Variants in LRRC7 observed in about 807,000 individuals in gnomAD.
LRRC7 encodes the protein leucine-rich repeat-containing protein 7.
Under a neutral mutation model 175.7 loss-of-function variants are expected in LRRC7, and 23 were observed. The ratio of observed to expected loss-of-function variants is 0.13; its 90% CI spans 0.09 to 0.19. The LOEUF (loss-of-function observed/expected upper bound fraction) is 0.19. Among genes scored for constraint, LRRC7 ranks in the 10% least tolerant of loss-of-function variants. The pLI, the probability that LRRC7 is intolerant of heterozygous loss-of-function variation, is 1.00. For missense variants in LRRC7, 1,354 were observed against 1,904.7 expected (o/e 0.71, Z 5.38); for synonymous variants, 685 against 680.9 (o/e 1.01, Z -0.09).
chr1:69,695,670 C>T (rs894238490), intron 2 of LRRC7, among the ~76,000 whole-genome samples: 2 of 152,196 alleles, frequency 1.3e-5, no homozygotes, highest in Non-Finnish European at 2.9e-5. Flanking sequence ...TTTCAGGGAC[C>T]AGGCCCAGGC....
chr1:69,572,441 A>G, intron 1 of LRRC7, among the ~76,000 whole-genome samples: 1 of 152,136 alleles, frequency 6.6e-6, no homozygotes, highest in East Asian at 1.9e-4. Flanking sequence ...GTTTTAAAAA[A>G]CTTATTTGTG....
At chr1:69,807,583 T>C (rs1196886565) in intron 4 of LRRC7, among the ~76,000 whole-genome samples, 1 of 152,130 alleles carries the variant, frequency 6.6e-6, no homozygotes, top group Non-Finnish European at 1.5e-5. Flanking sequence ...CATGAAATTC[T>C]GGGTTGAAAA....
chr1:69,639,463 A>G (rs1653874793), intron 1 of LRRC7, among the ~76,000 whole-genome samples: 1 of 151,852 alleles, frequency 6.6e-6, no homozygotes, highest in African/African-American at 2.4e-5. Context: ...GTACTTCTCT[A>G]GCTTTTCTGC....
At chr1:69,887,645 G>C (rs1196460142) in intron 7 of LRRC7, among the ~76,000 whole-genome samples, 1 of 152,138 alleles carries the variant, frequency 6.6e-6, no homozygotes, top group Non-Finnish European at 1.5e-5. Context: ...GTCCAGCTTT[G>C]TTCCGTTGCT....
chr1:70,137,952 C>G lies in LRRC7; in HGVS notation c.*16065C>G, dbSNP rs142213983. On this transcript the variant is annotated 3_prime_UTR_variant, in exon 27 of 27. Coordinates refer to ENST00000651989, the MANE Select transcript of LRRC7 (RefSeq NM_001370785.2). ...AACAAAATCCCAGAGTTTTTGCTTG[C>G]TCTTTGAGGTTAAAATCAAAGATTT... Among the ~76,000 whole-genome samples, 47 of 152,314 alleles carry G rather than the reference C, an allele frequency of 3.1e-4. No homozygotes were observed. Among genetic ancestry groups the G allele is most frequent in the East Asian group, 1.2e-3 (6 of 5,190 alleles).
chr1:70,037,733 C>T lies in LRRC7; in HGVS notation c.2289-380C>T, dbSNP rs17131145. ...ACCATTACTTAAGAACTACATATTTCCTTCATTGATTCCTTCAACAAATGT... is the reference window on the plus strand; with the variant it reads ...ACCATTACTTAAGAACTACATATTTTCTTCATTGATTCCTTCAACAAATGT... On this transcript the variant is annotated intron_variant, in intron 20 of 26. Transcript: ENST00000651989. Among the ~76,000 whole-genome samples the T allele has an allele frequency of 7.2e-3, 1,097 of 152,260 alleles. 15 individuals carry two copies. Among genetic ancestry groups the T allele is most frequent in the African/African-American group, 0.025 (1,039 of 41,550 alleles).
At chr1:69,848,250 A>G (rs980329158) in intron 7 of LRRC7, among the ~76,000 whole-genome samples, 1 of 151,976 alleles carries the variant, frequency 6.6e-6, no homozygotes, top group Non-Finnish European at 1.5e-5. Flanking sequence ...TGTTATCTTG[A>G]ATATATTAGC....
chr1:69,755,469 T>C (rs912285102), intron 2 of LRRC7, among the ~76,000 whole-genome samples: 1 of 147,098 alleles, frequency 6.8e-6, no homozygotes, highest in Non-Finnish European at 1.5e-5. Context: ...GATAATAAAC[T>C]TCAGAAATTT....
chr1:69,730,780 C>CAG (rs1236782662), intron 2 of LRRC7, among the ~76,000 whole-genome samples: 1 of 152,110 alleles, frequency 6.6e-6, no homozygotes. Context: ...GAGCAGCTCC[C>CAG]CACTACCTGG....
chr1:69,641,205 T>C (rs1446555996), intron 1 of LRRC7, among the ~76,000 whole-genome samples: 4 of 151,696 alleles, frequency 2.6e-5, no homozygotes, highest in African/African-American at 9.7e-5. Flanking sequence ...TTGAAGACAA[T>C]GCATATATTT....
chr1:69,732,198 G>A (rs1433750066), intron 2 of LRRC7, among the ~76,000 whole-genome samples: 1 of 151,748 alleles, frequency 6.6e-6, no homozygotes, highest in African/African-American at 2.4e-5. Flanking sequence ...AAAAATGTCT[G>A]GAAGATAACT....
At chr1:69,910,935 G>C (rs993374494) in intron 7 of LRRC7, among the ~76,000 whole-genome samples, 5 of 152,194 alleles carry the variant, frequency 3.3e-5, no homozygotes, top group Admixed American at 3.3e-4. Context: ...CTGCCGCCTT[G>C]CAGTTTGATC....
intron 1 of LRRC7, among the ~76,000 whole-genome samples, chr1:69,658,095 A>G (rs182789293): frequency 6.6e-6 from 1 of 152,018 alleles, no homozygotes; most frequent in Non-Finnish European, 1.5e-5. Context: ...CTGATGTAAT[A>G]CAAAAAAACT....
At chr1:69,782,871 G>T (rs1356045813) in intron 3 of LRRC7, among the ~76,000 whole-genome samples, 1 of 152,170 alleles carries the variant, frequency 6.6e-6, no homozygotes, top group Non-Finnish European at 1.5e-5. Flanking sequence ...GCAAATGTGT[G>T]TATTTGTGTG....
Position 70,127,628 on chromosome 1 carries a change from C to T in LRRC7, c.*5741C>T. 6.6e-6 allele frequency among the ~76,000 whole-genome samples: 1 copy of T among 152,180 alleles called. No homozygotes were observed. Among genetic ancestry groups the T allele is most frequent in the East Asian group, 1.9e-4 (1 of 5,196 alleles). ...ATGCTCTTTGTAACAACACACTGAG[C>T]ACTAAGCAATGTAAGAAATGGGCCT... is the stretch of plus-strand genomic sequence containing the variant. On this transcript the variant is annotated 3_prime_UTR_variant, in exon 27 of 27. Coordinates refer to ENST00000651989, the MANE Select transcript of LRRC7 (RefSeq NM_001370785.2).
Position 70,141,134 on chromosome 1 carries a change from A to G in LRRC7, c.*19247A>G, listed in dbSNP as rs1476971373. 6.6e-6 allele frequency among the ~76,000 whole-genome samples: 1 copy of G among 152,160 alleles called. No homozygotes were observed. The highest frequency in any genetic ancestry group is 1.5e-5 in the Non-Finnish European group (1 of 68,008). ...AAGCTCATAAAGAGGAAGAGATAAC[A>G]AAAGATGTAGATAAGAGGACATTGT... On this transcript the variant is annotated 3_prime_UTR_variant, in exon 27 of 27. Coordinates refer to ENST00000651989, the MANE Select transcript of LRRC7 (RefSeq NM_001370785.2).
intron 25 of LRRC7, among the ~76,000 whole-genome samples, chr1:70,103,085 C>T (rs936690967): frequency 6.6e-6 from 1 of 151,796 alleles, no homozygotes; most frequent in Non-Finnish European, 1.5e-5. Flanking sequence ...AAAAATTAGC[C>T]AGGTGTGGTA....
At chr1:69,925,442 G>T (rs1408483445) in intron 7 of LRRC7, among the ~76,000 whole-genome samples, 1 of 152,026 alleles carries the variant, frequency 6.6e-6, no homozygotes, top group African/African-American at 2.4e-5. Flanking sequence ...GACTCTTTTT[G>T]GTTGGTAAGC....
intron 4 of LRRC7, among the ~76,000 whole-genome samples, chr1:69,796,396 A>T (rs1675770633): frequency 6.6e-6 from 1 of 151,960 alleles, no homozygotes; most frequent in African/African-American, 2.4e-5. Flanking sequence ...TTGTGACACA[A>T]GGAATCATAT....
Sources: gnomAD v4.1 joint callset for allele counts (sites outside exome capture counted in the v4.1 genomes callset) on GRCh38, gnomAD v4.1.1 for gene constraint, MANE v1.5 for transcripts, NCBI Gene and HGNC (gene_info 2026-07-23, HGNC 2026-07-21) for gene names.